The following SMARCA2 variants were observed in gnomAD, a reference collection of about 807,000 sequenced individuals.
The protein encoded by SMARCA2 is SWI/SNF related BAF chromatin remodeling complex subunit ATPase 2, also known as SWI/SNF-related matrix-associated actin-dependent regulator of chromatin subfamily A member 2.
A neutral mutation model predicts 199.8 loss-of-function variants in SMARCA2; 61 were observed. That is an observed-to-expected ratio of 0.31 (90% confidence interval 0.25 to 0.38). SMARCA2 has a LOEUF of 0.38. SMARCA2 is among the 10% of genes least tolerant of loss of function. The pLI, the probability that SMARCA2 is intolerant of heterozygous loss-of-function variation, is 1.00. For synonymous variants in SMARCA2, 935 were observed against 732.0 expected (o/e 1.28, Z -4.48); for missense variants, 1,344 against 2,012.2 (o/e 0.67, Z 6.35).
At chr9:2,103,590 A>G (rs952676533) in intron 22 of SMARCA2, among the ~76,000 whole-genome samples, 4 of 151,656 alleles carry the variant, frequency 2.6e-5, no homozygotes, top group African/African-American at 9.7e-5. Flanking sequence ...TTAAAAAGTT[A>G]TATACTGAAT....
At chr9:2,062,800 G>A (rs1314150959) in intron 9 of SMARCA2, among the ~76,000 whole-genome samples, 1 of 152,086 alleles carries the variant, frequency 6.6e-6, no homozygotes, top group Non-Finnish European at 1.5e-5. Context: ...TTTAATCAGA[G>A]AGAGAAAAAG....
At position 2,193,053 on chromosome 9, in the gene SMARCA2, A is replaced by T. The variant is rs1336290435; in HGVS notation, c.*314A>T. The T allele has an allele frequency of 7.4e-6, 2 of 271,878 alleles. No individual in the cohort carries two copies. The highest frequency in any genetic ancestry group is 1.4e-5 in the Non-Finnish European group (2 of 146,424). 16.8% of individuals were successfully genotyped at this position (271,878 alleles called of 1,614,324 possible). A position where few individuals can be genotyped will look rare whatever the true frequency, so the allele number is the denominator to read the frequency against. ...GTGGGTCTAATTTGGTAACGGTTTG[A>T]TTGTGCCTGGTTTTATCACCTGTTC... On this transcript the variant is annotated 3_prime_UTR_variant, in exon 34 of 34. Coordinates refer to ENST00000349721, the MANE Select transcript of SMARCA2 (RefSeq NM_003070.5).
intron 32 of SMARCA2, among the ~76,000 whole-genome samples, chr9:2,186,616 C>G (rs539818826): frequency 7.3e-5 from 11 of 151,716 alleles, no homozygotes; most frequent in African/African-American, 2.2e-4. Flanking sequence ...ACCTCCACCT[C>G]CCAGGTTCAA....
chr9:2,169,275 C>G lies in SMARCA2; in HGVS notation c.4200-1144C>G, dbSNP rs1826109404. ...CTCCAGTCTCTTCCTGTCCTGGCTT[C>G]TTTCTGAGGCACCTAACTTGTCATT... On this transcript the variant is annotated intron_variant, in intron 28 of 33. Coordinates refer to ENST00000349721, the MANE Select transcript of SMARCA2 (RefSeq NM_003070.5). This position sits in a 1 kb window ranked among gnomAD's most constrained non-coding sequence, Gnocchi z 6.5. Among the ~76,000 whole-genome samples, 1 of 152,192 alleles carries G rather than the reference C, an allele frequency of 6.6e-6. No individual in the cohort carries two copies. The highest frequency in any genetic ancestry group is 2.4e-5 in the African/African-American group (1 of 41,460).
At chr9:2,112,836 G>A (rs538162282) in intron 24 of SMARCA2, among the ~76,000 whole-genome samples, 1 of 152,250 alleles carries the variant, frequency 6.6e-6, no homozygotes, top group South Asian at 2.1e-4. Context: ...CATTTAAAAG[G>A]TACAGAACTC....
chr9:2,030,420 A>G (rs1167463070), intron 2 of SMARCA2, among the ~76,000 whole-genome samples: 1 of 151,138 alleles, frequency 6.6e-6, no homozygotes, highest in African/African-American at 2.4e-5. Flanking sequence ...AGAACTGATG[A>G]TGTGAGTTCC....
intron 10 of SMARCA2, among the ~76,000 whole-genome samples, chr9:2,071,389 T>A (rs10811378): frequency 0.41 from 62,631 of 152,082 alleles, 15,619 homozygotes; most frequent in African/African-American, 0.71. Flanking sequence ...CTGTTACTGG[T>A]TAAGAATACT....
chr9:2,070,125 T>C (rs902900286), intron 9 of SMARCA2, among the ~76,000 whole-genome samples: 2 of 152,250 alleles, frequency 1.3e-5, no homozygotes, highest in Admixed American at 1.3e-4. Context: ...TTCTGACCAC[T>C]GTCTTGATAC....
intron 28 of SMARCA2, chr9:2,163,054 T>G (rs1005517755): frequency 3.3e-5 from 5 of 152,240 alleles, no homozygotes; most frequent in African/African-American, 1.2e-4. Context: ...CATTATGGCT[T>G]TGCCGAATAC....
chr9:2,073,184 C>T (rs534839693), intron 10 of SMARCA2, 28 bp from the exon 11 acceptor site: 5 of 1,613,324 alleles, frequency 3.1e-6, no homozygotes, highest in South Asian at 1.1e-5. Flanking sequence ...TAACATGAAA[C>T]CGTGACATGA....
intron 27 of SMARCA2, among the ~76,000 whole-genome samples, chr9:2,153,908 T>C (rs948845198): frequency 1.3e-5 from 2 of 152,204 alleles, no homozygotes; most frequent in African/African-American, 4.8e-5. Context: ...TATCATGTTA[T>C]GTTTTTACTT....
chr9:2,174,499 T>G (rs1826427365), intron 29 of SMARCA2, among the ~76,000 whole-genome samples: 2 of 152,116 alleles, frequency 1.3e-5, no homozygotes, highest in African/African-American at 4.8e-5. Flanking sequence ...ACCCACCCAT[T>G]TAACAAAGCA....
In SMARCA2 at chr9:2,039,412, CTCTT is replaced by C; in HGVS notation, c.356-51_356-48del. 3 of 1,555,208 alleles carry C rather than the reference CTCTT, an allele frequency of 1.9e-6. No individual in the cohort carries two copies. Among genetic ancestry groups the C allele is most frequent in the Admixed American group, 1.9e-5 (1 of 53,770 alleles). ...ATTATTAGAGTATTCAGGGATATCT[CTCTT>C]TCAGGGTTGTCAGGGGCAGCCTGTG... On this transcript the variant is annotated intron_variant, in intron 3 of 33. Transcript: ENST00000349721. The surrounding 1 kb of genome is among the most constrained non-coding windows in gnomAD (Gnocchi z 4.8).
In SMARCA2 at chr9:2,119,923, T is replaced by C. The variant is rs1210415416; in HGVS notation, c.3762+388T>C. 6.6e-6 allele frequency among the ~76,000 whole-genome samples: 1 copy of C among 152,188 alleles called. No homozygotes were observed. The highest frequency in any genetic ancestry group is 2.1e-4 in the South Asian group (1 of 4,830). On this transcript the variant is annotated intron_variant, in intron 26 of 33. Transcript: ENST00000349721. The surrounding 1 kb of genome is among the most constrained non-coding windows in gnomAD (Gnocchi z 4.6). ...CGCCCTCCTGTTCCCAGTTCGTTTC[T>C]AATCCCAGGCCAGTGTCATTCAGGA...
intron 5 of SMARCA2, among the ~76,000 whole-genome samples, chr9:2,053,954 T>A (rs1252771496): frequency 6.6e-6 from 1 of 152,228 alleles, no homozygotes; most frequent in Non-Finnish European, 1.5e-5. Flanking sequence ...TTGAGTACTA[T>A]TTACTGCTGG....
intron 27 of SMARCA2, among the ~76,000 whole-genome samples, chr9:2,146,629 A>G (rs1274860244): frequency 6.6e-6 from 1 of 152,228 alleles, no homozygotes; most frequent in African/African-American, 2.4e-5. Context: ...AAGTAAAGGG[A>G]TAAAGAATGG....
At chr9:2,183,057 C>T (rs1312618698) in intron 31 of SMARCA2, among the ~76,000 whole-genome samples, 6 of 152,206 alleles carry the variant, frequency 3.9e-5, no homozygotes, top group African/African-American at 1.4e-4. Flanking sequence ...TCCCAAAGTG[C>T]TGGGATTACA....
Position 2,110,368 on chromosome 9 carries a change from A to C in SMARCA2, c.3407A>C (p.Gln1136Pro). 6.2e-7 allele frequency: 1 copy of C among 1,613,852 alleles called. No individual in the cohort carries two copies. Among genetic ancestry groups the C allele is most frequent in the Non-Finnish European group, 8.5e-7 (1 of 1,179,862 alleles). ...GCTGGTGGCCTGGGCTTAAATCTTC[A>C]GGCAGCTGATACAGTGGTCATCTTT... Reference protein sequence around the residue: ...TRAGGLGLNLQAADTVVIFDS... With the variant: ...TRAGGLGLNLPAADTVVIFDS... The change falls in exon 24 of 34, where the codon CAG becomes CCG. Residue 1136 changes from glutamine (Q) to proline (P), a missense_variant. Coordinates refer to ENST00000349721, the MANE Select transcript of SMARCA2 (RefSeq NM_003070.5). The surrounding 1 kb of genome is among the most constrained non-coding windows in gnomAD (Gnocchi z 4.8).
intron 14 of SMARCA2, among the ~76,000 whole-genome samples, chr9:2,078,550 C>G (rs1465536958): frequency 6.6e-6 from 1 of 152,048 alleles, no homozygotes; most frequent in African/African-American, 2.4e-5. Context: ...TTTGACCTGT[C>G]TGGATTGAGG....
Sources: allele counts gnomAD v4.1 joint callset (sites outside exome capture counted in the v4.1 genomes callset), GRCh38; gene constraint gnomAD v4.1.1; non-coding constraint Gnocchi (gnomAD v3.1); transcripts MANE v1.5; gene names NCBI Gene and HGNC (gene_info 2026-07-23, HGNC 2026-07-21).